Variants in TENM1 observed in about 807,000 individuals in gnomAD.
TENM1 encodes the protein teneurin transmembrane protein 1.
In TENM1, 35 loss-of-function variants were observed where a neutral mutation model predicts 174.8. The ratio of observed to expected loss-of-function variants is 0.20; its 90% CI spans 0.15 to 0.27. The LOEUF is 0.27. TENM1 is among the 10% of genes least tolerant of loss of function. The probability of loss-of-function intolerance (pLI) is 1.00; values close to 1 mark genes in which losing one functional copy is unlikely to be tolerated. For synonymous variants in TENM1, 781 were observed against 798.7 expected (o/e 0.98, Z 0.37); for missense variants, 1,633 against 2,130.1 (o/e 0.77, Z 4.59).
chrX:124,436,850 AC>A (rs1273537898), intron 23 of TENM1, among the ~76,000 whole-genome samples: 3 of 107,940 alleles, frequency 2.8e-5, no homozygotes, highest in African/African-American at 1.0e-4. Context: ...TTTTTTTCTG[AC>A]CCTGTAACAT....
At chrX:125,154,043 C>G in the TENM1 span, among the ~76,000 whole-genome samples, 10 of 112,169 alleles carry the variant, frequency 8.9e-5, no homozygotes, top group East Asian at 2.8e-3. Flanking sequence ...AAAAGAACAG[C>G]AGGATGTTTT....
intron 11 of TENM1, among the ~76,000 whole-genome samples, chrX:124,568,562 T>C (rs770809925): frequency 3.0e-4 from 34 of 112,255 alleles, no homozygotes; most frequent in African/African-American, 1.0e-3. Flanking sequence ...AGGTAACTGG[T>C]ACTTTGTCAA....
chrX:124,781,643 C>T (rs1405427209), intron 3 of TENM1, among the ~76,000 whole-genome samples: 1 of 111,303 alleles, frequency 9.0e-6, no homozygotes, highest in Non-Finnish European at 1.9e-5. Context: ...AGTCAACAAA[C>T]TCTGGCCCCT....
chrX:124,957,404 C>A (rs1469548091), intron 1 of TENM1, among the ~76,000 whole-genome samples: 1 of 110,196 alleles, frequency 9.1e-6, no homozygotes, highest in Non-Finnish European at 1.9e-5. Context: ...GCCAACATGG[C>A]GAAACTTCGT....
intron 22 of TENM1, among the ~76,000 whole-genome samples, chrX:124,471,228 GTACTATA>G (rs2061304101): frequency 1.9e-5 from 1 of 53,443 alleles, no homozygotes; most frequent in Non-Finnish European, 3.2e-5. Context: ...ATAATATATA[GTACTATA>G]TATAATATAT....
chrX:125,115,478 A>G, the TENM1 span, among the ~76,000 whole-genome samples: 1 of 111,545 alleles, frequency 9.0e-6, no homozygotes, highest in Non-Finnish European at 1.9e-5. Context: ...ATGATGGTAT[A>G]TTTAGAAAAC....
intron 9 of TENM1, 93 bp from the exon 13 acceptor site, chrX:124,645,430 A>G (rs2051133322): frequency 1.2e-6 from 1 of 846,666 alleles, no homozygotes; most frequent in East Asian, 3.2e-5. Flanking sequence ...TTCAGGCAAA[A>G]AATTGTACTA....
intron 3 of TENM1, among the ~76,000 whole-genome samples, chrX:124,810,272 G>A (rs189357247): frequency 7.8e-4 from 87 of 111,632 alleles, no homozygotes; most frequent in Admixed American, 1.2e-3. Flanking sequence ...AAGAAGTTAT[G>A]TTGTTCCTGT....
chrX:125,086,781 A>C, the TENM1 span, among the ~76,000 whole-genome samples: 1 of 110,849 alleles, frequency 9.0e-6, no homozygotes, highest in African/African-American at 3.3e-5. Context: ...TCAAAGAGTT[A>C]TGATATTACA....
intron 5 of TENM1, among the ~76,000 whole-genome samples, chrX:124,690,949 C>T (rs962736112): frequency 1.8e-5 from 2 of 111,053 alleles, no homozygotes; most frequent in African/African-American, 6.6e-5. Context: ...TATAGCAACA[C>T]AGACTAAGAC....
At chrX:125,139,806 T>C in the TENM1 span, among the ~76,000 whole-genome samples, 1 of 99,657 alleles carries the variant, frequency 1.0e-5, no homozygotes, top group African/African-American at 3.8e-5. Flanking sequence ...AGGTTCACAC[T>C]GCAATTAGCT....
the TENM1 span, among the ~76,000 whole-genome samples, chrX:125,142,966 TAAA>T: frequency 4.5e-5 from 5 of 111,666 alleles, no homozygotes; most frequent in South Asian, 1.9e-3. Flanking sequence ...AAAAATGAGA[TAAA>T]AGAATATGAA....
At chrX:124,617,515 A>G (rs1374633310) in intron 11 of TENM1, among the ~76,000 whole-genome samples, 1 of 111,761 alleles carries the variant, frequency 8.9e-6, no homozygotes, top group Non-Finnish European at 1.9e-5. Flanking sequence ...ATGATCAAGT[A>G]AAGGTTGGCA....
At chrX:124,825,339 A>G (rs2056134808) in intron 3 of TENM1, among the ~76,000 whole-genome samples, 1 of 105,579 alleles carries the variant, frequency 9.5e-6, no homozygotes, top group Non-Finnish European at 1.9e-5. Flanking sequence ...TATAATATAT[A>G]TATTTAGTAG....
chrX:124,989,857 A>G, the TENM1 span, among the ~76,000 whole-genome samples: 4 of 111,610 alleles, frequency 3.6e-5, no homozygotes, highest in Non-Finnish European at 7.5e-5. Flanking sequence ...TGTTCGTAAA[A>G]CATTTGTTGA....
At chrX:124,453,573 C>G in intron 22 of TENM1, 82 bp from the exon 26 acceptor site, 1 of 936,556 alleles carries the variant, frequency 1.1e-6, no homozygotes, top group Non-Finnish European at 1.5e-6. Context: ...AAAGCCATAG[C>G]AATGGAAAGG....
At chrX:124,985,657 A>G in the TENM1 span, among the ~76,000 whole-genome samples, 1 of 112,037 alleles carries the variant, frequency 8.9e-6, no homozygotes, top group Non-Finnish European at 1.9e-5. Context: ...CCTGTACCTC[A>G]AAGTGCATTT....
chrX:124,763,267 G>C (rs897589923), intron 3 of TENM1, among the ~76,000 whole-genome samples: 2 of 111,263 alleles, frequency 1.8e-5, no homozygotes, highest in Non-Finnish European at 3.8e-5. Flanking sequence ...TCAGTGGCTT[G>C]GGCAATGGTA....
intron 21 of TENM1, among the ~76,000 whole-genome samples, chrX:124,484,464 C>T (rs1296167100): frequency 8.9e-6 from 1 of 111,943 alleles, no homozygotes; most frequent in African/African-American, 3.2e-5. Flanking sequence ...ATTTGGAATT[C>T]TTCTAAATGG....
Sources: allele counts gnomAD v4.1 joint callset (sites outside exome capture counted in the v4.1 genomes callset), GRCh38; gene constraint gnomAD v4.1.1; transcripts MANE v1.5; gene names NCBI Gene and HGNC (gene_info 2026-07-23, HGNC 2026-07-21).